Variants in FAM174A observed in about 807,000 individuals in gnomAD.
FAM174A encodes family with sequence similarity 174 member A.
Under a neutral mutation model 14.3 loss-of-function variants are expected in FAM174A, and 14 were observed. The ratio of observed to expected loss-of-function variants is 0.98; its 90% confidence interval spans 0.65 to 1.53. FAM174A has a LOEUF of 1.53. Among genes scored for constraint, FAM174A ranks in the 40% most tolerant of loss-of-function variants. FAM174A has a pLI of 0.00. For synonymous variants in FAM174A, 108 were observed against 111.4 expected (o/e 0.97, Z 0.19); for missense variants, 241 against 249.6 (o/e 0.97, Z 0.23).
At chr5:100,555,416 T>G (rs1746354891) in intron 1 of FAM174A, among the ~76,000 whole-genome samples, 1 of 152,174 alleles carries the variant, frequency 6.6e-6, no homozygotes. Flanking sequence ...TATAGCAGCA[T>G]GTTTTATAGT....
In FAM174A at chr5:100,535,629, G is replaced by C; in HGVS notation, c.99G>C (p.Leu33=). ...AACTAAGCGGGCCCCTGGCAGTCCT[G>C]CTGCAGGCAGCCGAGGCCGCGCCAG... ...LPELSGPLAV[L]LQAAEAAPGL... Residue 33 remains leucine (L), a synonymous_variant, in exon 1 of 3, where the codon CTG becomes CTC. Coordinates refer to ENST00000312637, the MANE Select transcript of FAM174A (RefSeq NM_198507.3). 6.2e-7 allele frequency: 1 copy of C among 1,613,094 alleles called. No individual in the cohort carries two copies. The highest frequency in any genetic ancestry group is 8.5e-7 in the Non-Finnish European group (1 of 1,179,924).
intron 1 of FAM174A, among the ~76,000 whole-genome samples, chr5:100,547,242 G>C (rs1349350315): frequency 6.6e-6 from 1 of 152,106 alleles, no homozygotes; most frequent in Non-Finnish European, 1.5e-5. Flanking sequence ...AAAAAAGTAT[G>C]AGTGGAGTAG....
chr5:100,562,675 G>A (rs936927344), intron 2 of FAM174A, among the ~76,000 whole-genome samples: 1 of 151,528 alleles, frequency 6.6e-6, no homozygotes, highest in Non-Finnish European at 1.5e-5. Context: ...TTTGTATTCT[G>A]AAGATATTTT....
At chr5:100,537,181 G>T (rs1223455685) in intron 1 of FAM174A, among the ~76,000 whole-genome samples, 1 of 152,228 alleles carries the variant, frequency 6.6e-6, no homozygotes, top group African/African-American at 2.4e-5. Flanking sequence ...GTGCGAAGAT[G>T]GAATTACTTT....
rs1279854939 is a variant in FAM174A, at chr5:100,586,342, CT to C, written c.*162del. The C allele has an allele frequency of 6.9e-5, 31 of 447,478 alleles. No individual in the cohort carries two copies. The highest frequency in any genetic ancestry group is 4.3e-4 in the South Asian group (11 of 25,352). 27.7% of individuals were successfully genotyped at this position (447,478 alleles called of 1,614,324 possible). On this transcript the variant is annotated 3_prime_UTR_variant, in exon 3 of 3. Transcript: ENST00000312637. ...TTGCTGTTGCAATAAATACCGTATC[CT>C]TTTATTATATCTTTATATGTATAGA...
intron 1 of FAM174A, among the ~76,000 whole-genome samples, chr5:100,555,102 C>T (rs1362876752): frequency 4.0e-5 from 6 of 151,780 alleles, no homozygotes; most frequent in East Asian, 1.9e-4. Context: ...CAACAGGCCC[C>T]GGTGTGTGAT....
At chr5:100,585,419 A>G (rs1362053014) in intron 2 of FAM174A, among the ~76,000 whole-genome samples, 1 of 151,912 alleles carries the variant, frequency 6.6e-6, no homozygotes, top group East Asian at 1.9e-4. Flanking sequence ...TTAATATTTC[A>G]TTTTCTTTAT....
intron 1 of FAM174A, among the ~76,000 whole-genome samples, chr5:100,542,158 C>T (rs1347193298): frequency 6.6e-6 from 1 of 152,210 alleles, no homozygotes; most frequent in African/African-American, 2.4e-5. Flanking sequence ...TCCATGTTCC[C>T]TGGGTGATCC....
intron 2 of FAM174A, among the ~76,000 whole-genome samples, chr5:100,576,325 C>T (rs1170165965): frequency 6.6e-6 from 1 of 152,054 alleles, no homozygotes; most frequent in Non-Finnish European, 1.5e-5. Context: ...TTGCTCCTCT[C>T]CTCTGTGATT....
At chr5:100,560,213 C>G (rs917463095) in intron 1 of FAM174A, among the ~76,000 whole-genome samples, 1 of 152,112 alleles carries the variant, frequency 6.6e-6, no homozygotes, top group Admixed American at 6.6e-5. Flanking sequence ...TGGAGGTCCA[C>G]TCCAGACCCT....
chr5:100,547,129 C>T (rs1261538663), intron 1 of FAM174A, among the ~76,000 whole-genome samples: 1 of 152,012 alleles, frequency 6.6e-6, no homozygotes, highest in Non-Finnish European at 1.5e-5. Context: ...ATTGACAGTC[C>T]TAGTTTAGAA....
intron 1 of FAM174A, among the ~76,000 whole-genome samples, chr5:100,557,645 T>A (rs1177640355): frequency 1.3e-5 from 2 of 152,206 alleles, no homozygotes; most frequent in African/African-American, 2.4e-5. Flanking sequence ...GAGATTCAAC[T>A]TCTTCCTGGT....
chr5:100,544,907 T>C (rs908355813), intron 1 of FAM174A, among the ~76,000 whole-genome samples: 9 of 152,210 alleles, frequency 5.9e-5, no homozygotes, highest in Non-Finnish European at 8.8e-5. Flanking sequence ...ATTTGAACAT[T>C]ACTATCAACT....
intron 2 of FAM174A, among the ~76,000 whole-genome samples, chr5:100,574,392 T>G (rs2035105432): frequency 6.6e-6 from 1 of 151,962 alleles, no homozygotes; most frequent in Admixed American, 6.6e-5. Context: ...TTTACCTTGT[T>G]GGCCAGGCTG....
chr5:100,561,088 T>A (rs1746513407), intron 1 of FAM174A, among the ~76,000 whole-genome samples: 1 of 151,924 alleles, frequency 6.6e-6, no homozygotes, highest in African/African-American at 2.4e-5. Flanking sequence ...AAACCCCACA[T>A]AAACATATAC....
intron 1 of FAM174A, among the ~76,000 whole-genome samples, chr5:100,550,885 G>A (rs1040778124): frequency 1.3e-4 from 20 of 152,230 alleles, no homozygotes; most frequent in African/African-American, 3.1e-4. Flanking sequence ...AAGGCTGTGC[G>A]GCTGGAGTTC....
chr5:100,580,985 A>T (rs112871957), intron 2 of FAM174A, among the ~76,000 whole-genome samples: 35 of 152,210 alleles, frequency 2.3e-4, no homozygotes, highest in African/African-American at 8.4e-4. Flanking sequence ...CTGGACTACA[A>T]TGGCGTGATC....
chr5:100,584,967 G>A (rs533667704), intron 2 of FAM174A, among the ~76,000 whole-genome samples: 1 of 151,932 alleles, frequency 6.6e-6, no homozygotes, highest in Non-Finnish European at 1.5e-5. Context: ...GTGTCATCAT[G>A]TTATTCAAGG....
intron 2 of FAM174A, among the ~76,000 whole-genome samples, chr5:100,569,546 T>A (rs998184832): frequency 1.3e-5 from 2 of 151,890 alleles, no homozygotes; most frequent in East Asian, 1.9e-4. Context: ...GCAAATGTGT[T>A]TTTGTATTGT....
Sources: allele counts gnomAD v4.1 joint callset (sites outside exome capture counted in the v4.1 genomes callset), GRCh38; gene constraint gnomAD v4.1.1; transcripts MANE v1.5; gene names NCBI Gene and HGNC (gene_info 2026-07-23, HGNC 2026-07-21).